ULK4: variants seen among roughly 807,000 people sequenced by gnomAD.
ULK4 encodes unc-51 like kinase 4.
Under a neutral mutation model 160.6 loss-of-function variants are expected in ULK4, and 133 were observed. The ratio of observed to expected loss-of-function variants is 0.83; its 90% CI spans 0.72 to 0.96. The LOEUF (loss-of-function observed/expected upper bound fraction) is 0.96, where lower values mean the gene tolerates loss of function less well. Ranked by LOEUF, ULK4 falls within the 40% of genes least tolerant of loss-of-function variation. The probability of loss-of-function intolerance (pLI) is 0.00; values close to 1 mark genes in which losing one functional copy is unlikely to be tolerated. For missense variants in ULK4, 1,580 were observed against 1,499.5 expected, an observed-to-expected ratio of 1.05 and a Z score of -0.89; for synonymous variants, 534 against 539.8, an observed-to-expected ratio of 0.99 and a Z score of 0.15.
At chr3:41,670,744 A>G (rs1446546583) in intron 29 of ULK4, among the ~76,000 whole-genome samples, 1 of 152,122 alleles carries the variant, frequency 6.6e-6, no homozygotes, top group Non-Finnish European at 1.5e-5. Context: ...TTAGATCAAC[A>G]GCAAATTTTC....
intron 19 of ULK4, among the ~76,000 whole-genome samples, chr3:41,809,517 G>T (rs2040755812): frequency 6.6e-6 from 1 of 152,156 alleles, no homozygotes; most frequent in Admixed American, 6.5e-5. Context: ...TTATATTTGT[G>T]TGTGGTGCTA....
rs976074537 is a variant in ULK4 at position 41,743,039 on chromosome 3, G to A, written c.2321+11322C>T. Among the ~76,000 whole-genome samples the A allele has an allele frequency of 2.6e-5, 4 of 151,812 alleles. No homozygotes were observed. The East Asian group carries it at 5.8e-4, about 22-fold the overall frequency. ...CCAAAGAGGGGAAGAGAGAGAAAAT[G>A]GGACTGAACAAGTATTCAAAGAAAT... On this transcript the variant is annotated intron_variant, in intron 22 of 36. Coordinates refer to ENST00000301831, the MANE Select transcript of ULK4 (RefSeq NM_017886.4).
intron 35 of ULK4, among the ~76,000 whole-genome samples, chr3:41,393,755 T>C (rs2082001759): frequency 6.6e-6 from 1 of 152,122 alleles, no homozygotes; most frequent in Admixed American, 6.5e-5. Flanking sequence ...AAAGAATGAA[T>C]CTCTCAGGTC....
intron 31 of ULK4, among the ~76,000 whole-genome samples, chr3:41,599,463 G>A (rs145612192): frequency 2.0e-5 from 3 of 152,274 alleles, no homozygotes; most frequent in Non-Finnish European, 4.4e-5. Flanking sequence ...TGGAAGGTGG[G>A]AGCAGTATTC....
rs1698837059 is a variant in ULK4, at chr3:41,912,860, C to G, written c.843G>C (p.Lys281Asn). 2 of 1,613,988 alleles carry G rather than the reference C, an allele frequency of 1.2e-6. No homozygotes were observed. Among genetic ancestry groups the G allele is most frequent in the South Asian group, 2.2e-5 (2 of 91,084 alleles). Reference protein sequence around the residue: ...WTRLLQHSFWKKAFAGADQES... With the variant: ...WTRLLQHSFWNKAFAGADQES... ...CCTGATCTGCTCCAGCAAAAGCTTT[C>G]TTCCAAAATGAATGCTGCAGTAGCC... The change falls in exon 9 of 37, where the codon AAG becomes AAC. Residue 281 changes from lysine (K) to asparagine (N), a missense_variant. Transcript: ENST00000301831.
intron 32 of ULK4, among the ~76,000 whole-genome samples, chr3:41,465,281 C>T (rs949748107): frequency 1.3e-5 from 2 of 152,028 alleles, no homozygotes; most frequent in African/African-American, 4.8e-5. Context: ...CCTTCATTAC[C>T]CTTTTCAACA....
At chr3:41,592,570 A>C (rs183698518) in intron 31 of ULK4, among the ~76,000 whole-genome samples, 1 of 152,196 alleles carries the variant, frequency 6.6e-6, no homozygotes, top group Non-Finnish European at 1.5e-5. Flanking sequence ...AAATAAAAAA[A>C]TTTTTTTAAA....
At chr3:41,453,080 A>G (rs901349241) in intron 34 of ULK4, among the ~76,000 whole-genome samples, 6 of 152,188 alleles carry the variant, frequency 3.9e-5, no homozygotes, top group Admixed American at 2.0e-4. Flanking sequence ...TGTCATAAGG[A>G]AAGAAGGGCT....
chr3:41,434,036 T>G (rs1448129778), intron 34 of ULK4, among the ~76,000 whole-genome samples: 1 of 152,202 alleles, frequency 6.6e-6, no homozygotes, highest in Non-Finnish European at 1.5e-5. Context: ...CCAAACTTTT[T>G]GAGTGTCAAT....
intron 21 of ULK4, among the ~76,000 whole-genome samples, chr3:41,767,325 C>A (rs1248880262): frequency 6.6e-6 from 1 of 152,210 alleles, no homozygotes; most frequent in African/African-American, 2.4e-5. Context: ...GAGACAGACA[C>A]TGAATTTATC....
intron 35 of ULK4, among the ~76,000 whole-genome samples, chr3:41,272,406 C>A (rs1409565456): frequency 6.7e-6 from 1 of 149,028 alleles, no homozygotes; most frequent in African/African-American, 2.5e-5. Context: ...TTTCTTCCCC[C>A]CTCACCCCGC....
chr3:41,618,768 G>A (rs528645933), intron 30 of ULK4, among the ~76,000 whole-genome samples: 7 of 151,902 alleles, frequency 4.6e-5, no homozygotes, highest in South Asian at 2.1e-4. Flanking sequence ...AAATTCACAC[G>A]GAACAATATT....
chr3:41,307,816 CA>C, intron 35 of ULK4, among the ~76,000 whole-genome samples: 1 of 152,182 alleles, frequency 6.6e-6, no homozygotes, highest in Admixed American at 6.5e-5. Flanking sequence ...GGTGACAGAG[CA>C]AAACCCCGTT....
chr3:41,653,839 G>A (rs1424141685), intron 30 of ULK4, among the ~76,000 whole-genome samples: 2 of 152,164 alleles, frequency 1.3e-5, no homozygotes, highest in South Asian at 4.1e-4. Context: ...GATGACAAGG[G>A]AAAGTTTACA....
chr3:41,811,908 T>C (rs2040828994), intron 19 of ULK4, among the ~76,000 whole-genome samples: 1 of 152,242 alleles, frequency 6.6e-6, no homozygotes, highest in Admixed American at 6.5e-5. Flanking sequence ...AGTAGCTTTC[T>C]ATTTTAGAGT....
chr3:41,468,059 C>T (rs1245499829), intron 32 of ULK4, among the ~76,000 whole-genome samples: 2 of 152,182 alleles, frequency 1.3e-5, no homozygotes, highest in Non-Finnish European at 2.9e-5. Context: ...TTACTGAGCA[C>T]TTGCTCTTTT....
At chr3:41,653,203 C>T (rs1473234973) in intron 30 of ULK4, among the ~76,000 whole-genome samples, 1 of 152,198 alleles carries the variant, frequency 6.6e-6, no homozygotes, top group Non-Finnish European at 1.5e-5. Context: ...GGCCAATATT[C>T]CCCTGCCCTG....
At chr3:41,650,548 C>T (rs1382945396) in intron 30 of ULK4, among the ~76,000 whole-genome samples, 1 of 152,230 alleles carries the variant, frequency 6.6e-6, no homozygotes, top group Non-Finnish European at 1.5e-5. Flanking sequence ...GAGCTGCCCA[C>T]CCTGCCGCAG....
In ULK4 at chr3:41,911,542, T is replaced by A. The variant is rs763147870; in HGVS notation, c.1014A>T (p.Leu338=). The part of the protein sequence containing the change: ...SGQPLGHSFR[L]ENPTEFRPKS... ...TGAATGTGCTCAAATAAAACTTACC[T>A]AGTCTGAAAGAGTGACCTAGTGGTT... is the stretch of plus-strand genomic sequence containing the variant. Residue 338 remains leucine (L), a splice_region_variant and synonymous_variant, in exon 10 of 37, where the codon CTA becomes CTT. Coordinates refer to ENST00000301831, the MANE Select transcript of ULK4 (RefSeq NM_017886.4). 1 of 1,612,826 alleles carries A rather than the reference T, an allele frequency of 6.2e-7. No individual in the cohort carries two copies. The highest frequency in any genetic ancestry group is 1.7e-5 in the Admixed American group (1 of 60,002).
Sources: gnomAD v4.1 joint callset for allele counts (sites outside exome capture counted in the v4.1 genomes callset) on GRCh38, gnomAD v4.1.1 for gene constraint, MANE v1.5 for transcripts, NCBI Gene and HGNC (gene_info 2026-07-23, HGNC 2026-07-21) for gene names.